Variants in COP1 observed in about 807,000 individuals in gnomAD.
COP1 encodes the protein COP1 E3 ubiquitin ligase.
In COP1, 24 loss-of-function variants were observed where a neutral mutation model predicts 101.3. The ratio of observed to expected loss-of-function variants is 0.24; its 90% CI spans 0.17 to 0.33. The LOEUF (loss-of-function observed/expected upper bound fraction) is 0.33. Ranked by LOEUF, COP1 falls within the 10% of genes least tolerant of loss-of-function variation. The pLI is 1.00. For missense variants in COP1, 663 were observed against 906.2 expected (o/e 0.73, Z 3.45); for synonymous variants, 347 against 341.9 (o/e 1.01, Z -0.17).
chr1:176,199,222 C>T (rs1700028349), intron 1 of COP1, among the ~76,000 whole-genome samples: 1 of 152,070 alleles, frequency 6.6e-6, no homozygotes, highest in South Asian at 2.1e-4. Context: ...GAGGTTAAGG[C>T]AGGAGAATTG....
At chr1:176,095,175 T>C (rs773874646) in intron 9 of COP1, among the ~76,000 whole-genome samples, 1 of 152,164 alleles carries the variant, frequency 6.6e-6, no homozygotes, top group Non-Finnish European at 1.5e-5. Flanking sequence ...GTTCAAGGAA[T>C]ACATACAAAA....
intron 15 of COP1, among the ~76,000 whole-genome samples, chr1:176,019,986 G>A (rs994476014): frequency 3.3e-5 from 5 of 151,986 alleles, no homozygotes; most frequent in East Asian, 1.9e-4. Context: ...TAATTCTTCC[G>A]TGATATTTCT....
At chr1:176,161,768 C>T (rs989115749) in intron 5 of COP1, among the ~76,000 whole-genome samples, 3 of 152,044 alleles carry the variant, frequency 2.0e-5, no homozygotes, top group African/African-American at 7.2e-5. Context: ...TGGTTAAAAC[C>T]GTAAGAGAAA....
At chr1:175,954,255 A>G (rs1439740956) in intron 18 of COP1, among the ~76,000 whole-genome samples, 1 of 152,170 alleles carries the variant, frequency 6.6e-6, no homozygotes. Context: ...AACATATCAA[A>G]ATTTGTGTAA....
rs1013197376 is a variant in COP1, at chr1:175,988,660, C to A, written c.1848-248G>T. 4 of 332,732 alleles carry A rather than the reference C, an allele frequency of 1.2e-5. No homozygotes were observed. The Admixed American group carries it at 1.3e-4, about 11-fold the overall frequency. 20.6% of individuals were successfully genotyped at this position (332,732 alleles called of 1,614,324 possible). ...CCAGCCTGGCCAACATAGCAAAACA[C>A]CGTCTCTACTAAAAATACAAAAATT... On this transcript the variant is annotated intron_variant, in intron 16 of 19. Transcript: ENST00000367669.
At chr1:176,159,199 C>A (rs958520244) in intron 5 of COP1, among the ~76,000 whole-genome samples, 1 of 152,094 alleles carries the variant, frequency 6.6e-6, no homozygotes, top group Non-Finnish European at 1.5e-5. Context: ...CACACACATA[C>A]ACAAATCAGT....
rs566327049 is a variant in COP1, at chr1:175,973,344, A to G, written c.2133+13599T>C. Among the ~76,000 whole-genome samples the G allele has an allele frequency of 2.0e-5, 3 of 152,112 alleles. No individual in the cohort carries two copies. The South Asian group carries it at 6.2e-4, about 31-fold the overall frequency. On this transcript the variant is annotated intron_variant, in intron 18 of 19. Transcript: ENST00000367669. ...GGACTGGGTTGCTACCTAAACTTCT[A>G]TAGTTTGCATGTACTAATCTTTTCT... is the stretch of plus-strand genomic sequence containing the variant.
chr1:176,142,226 A>C (rs912750391), intron 6 of COP1, among the ~76,000 whole-genome samples: 1 of 152,136 alleles, frequency 6.6e-6, no homozygotes, highest in African/African-American at 2.4e-5. Context: ...TGATACAAAA[A>C]ATTTACTTTA....
At chr1:176,035,710 C>CAAAAAAAAAAAAAAAAA (rs71129541) in intron 14 of COP1, among the ~76,000 whole-genome samples, 3 of 73,106 alleles carry the variant, frequency 4.1e-5, no homozygotes, top group African/African-American at 1.4e-4. Flanking sequence ...AAAACGAGAC[C>CAAAAAAAAAAAAAAAAA]AAAAAAAAAA....
chr1:175,988,185 G>T, intron 17 of COP1, 103 bp downstream of exon 17: 1 of 1,109,284 alleles, frequency 9.0e-7, no homozygotes, highest in Non-Finnish European at 1.3e-6. Context: ...TCTTCTGAGT[G>T]CACAGACCAT....
rs147101081 is a variant in COP1, at chr1:176,002,344, G to A, written c.1730-12865C>T. 2.6e-3 allele frequency among the ~76,000 whole-genome samples: 399 copies of A among 151,578 alleles called. 3 individuals carry two copies. Among genetic ancestry groups the A allele is most frequent in the African/African-American group, 9.2e-3 (381 of 41,388 alleles). On this transcript the variant is annotated intron_variant, in intron 15 of 19. Transcript: ENST00000367669. ...AAGTTTACTGATTCTTTCTTTTTTA[G>A]TTTTTATTTATTTATTTATTTTTAT...
chr1:176,202,229 G>A (rs6672230), intron 1 of COP1, among the ~76,000 whole-genome samples: 13 of 129,556 alleles, frequency 1.0e-4, no homozygotes, highest in South Asian at 2.3e-4. Flanking sequence ...TCACTTTGTC[G>A]TCCAGGCTGG....
intron 18 of COP1, among the ~76,000 whole-genome samples, chr1:175,983,314 G>C (rs139771546): frequency 7.9e-5 from 12 of 152,126 alleles, no homozygotes; most frequent in African/African-American, 2.9e-4. Flanking sequence ...AGTCTTTCCC[G>C]AACTGTTCTC....
intron 6 of COP1, among the ~76,000 whole-genome samples, chr1:176,148,300 AACAG>A (rs537139434): frequency 2.6e-5 from 4 of 152,268 alleles, no homozygotes; most frequent in South Asian, 2.1e-4. Flanking sequence ...CATAGCACAT[AACAG>A]ACAATTTACA....
intron 11 of COP1, among the ~76,000 whole-genome samples, chr1:176,060,731 C>G (rs1674693995): frequency 6.6e-6 from 1 of 152,044 alleles, no homozygotes; most frequent in African/African-American, 2.4e-5. Flanking sequence ...CAAGGACTAA[C>G]GTGGAGCAAA....
At chr1:176,108,466 AC>A in intron 9 of COP1, among the ~76,000 whole-genome samples, 1 of 152,174 alleles carries the variant, frequency 6.6e-6, no homozygotes. Flanking sequence ...GTGTATAATT[AC>A]CAAATCAAAC....
chr1:176,005,906 T>C (rs1218125685), intron 15 of COP1, among the ~76,000 whole-genome samples: 1 of 152,154 alleles, frequency 6.6e-6, no homozygotes, highest in Non-Finnish European at 1.5e-5. Flanking sequence ...GGTATCCTTG[T>C]TGACTTTCTG....
At chr1:175,984,639 G>A (rs543304662) in intron 18 of COP1, among the ~76,000 whole-genome samples, 12 of 152,148 alleles carry the variant, frequency 7.9e-5, no homozygotes, top group East Asian at 3.9e-4. Context: ...AGCTTGCACC[G>A]TTCACCTGGA....
chr1:176,114,921 A>G (rs900906058), intron 9 of COP1, among the ~76,000 whole-genome samples: 2 of 152,176 alleles, frequency 1.3e-5, no homozygotes, highest in Non-Finnish European at 2.9e-5. Flanking sequence ...CTTGTTCCTA[A>G]TGAAATACAT....
Sources: allele counts gnomAD v4.1 joint callset (sites outside exome capture counted in the v4.1 genomes callset), GRCh38; gene constraint gnomAD v4.1.1; transcripts MANE v1.5; gene names NCBI Gene and HGNC (gene_info 2026-07-23, HGNC 2026-07-21).